PON1: variants seen among roughly 807,000 people sequenced by gnomAD.
PON1 encodes serum paraoxonase/arylesterase 1.
Under a neutral mutation model 39.2 loss-of-function variants are expected in PON1, and 37 were observed. That is an observed-to-expected ratio of 0.94 (90% confidence interval 0.73 to 1.24). The LOEUF is 1.24. PON1 is among the 50% of genes most tolerant of loss of function. PON1 has a pLI of 0.00. For missense variants in PON1, 397 were observed against 413.5 expected (o/e 0.96, Z 0.35); for synonymous variants, 148 against 152.2 (o/e 0.97, Z 0.21).
intron 7 of PON1, among the ~76,000 whole-genome samples, chr7:95,306,001 G>A (rs980525264): frequency 6.6e-6 from 1 of 152,104 alleles, no homozygotes; most frequent in Admixed American, 6.5e-5. Flanking sequence ...CAGGAAGGGA[G>A]GGATGGAAGG....
chr7:95,312,103 G>A (rs3917521), intron 4 of PON1, among the ~76,000 whole-genome samples: 42,216 of 152,154 alleles, frequency 0.28, 6,185 homozygotes, highest in East Asian at 0.51. Context: ...TGTGATCAGA[G>A]CTGGCAAGTA....
chr7:95,311,480 T>C lies in PON1; in HGVS notation c.468A>G (p.Leu156=), dbSNP rs150072923. The change falls in exon 5 of 9, where the codon CTA becomes CTG. Residue 156 remains leucine (L), a synonymous_variant. Transcript: ENST00000222381. ...GCAGAAGTTTATGTCTGATGGTTTT[T>C]AGATGCAAAAGCGATTTTTCTTCTT... ...FQEEEKSLLH[L]KTIRHKLLPN... 1.3e-5 allele frequency: 21 copies of C among 1,614,070 alleles called. No individual in the cohort carries two copies. The highest frequency in any genetic ancestry group is 1.7e-5 in the Non-Finnish European group (20 of 1,180,008).
intron 4 of PON1, among the ~76,000 whole-genome samples, chr7:95,312,911 G>A (rs1229858472): frequency 6.6e-6 from 1 of 152,238 alleles, no homozygotes; most frequent in Admixed American, 6.5e-5. Context: ...GAGAGAGTGG[G>A]AGAGTGAGAG....
In PON1 at chr7:95,322,360, A is replaced by G. The variant is rs1291855528; in HGVS notation, c.74+2042T>C. Among the ~76,000 whole-genome samples, 1,406 of 150,440 alleles carry G rather than the reference A, an allele frequency of 9.3e-3. 24 individuals carry two copies. Among genetic ancestry groups the G allele is most frequent in the African/African-American group, 0.032 (1,322 of 40,996 alleles). Reference sequence around the variant, plus strand: ...TGTGTGTGTGTGTGTGTATATATATATATATATGCTGTAATATGTATTATT... The same window carrying G: ...TGTGTGTGTGTGTGTGTATATATATGTATATATGCTGTAATATGTATTATT... On this transcript the variant is annotated intron_variant, in intron 1 of 8. Transcript: ENST00000222381.
chr7:95,315,637 C>T, intron 3 of PON1, 147 bp from the exon 4 acceptor site: 1 of 821,508 alleles, frequency 1.2e-6, no homozygotes, highest in Non-Finnish European at 2.0e-6. Context: ...TAGTTAGCTT[C>T]TGTAATGGGT....
chr7:95,322,346 G>GTATATATA (rs753285630), intron 1 of PON1, among the ~76,000 whole-genome samples: 1 of 136,176 alleles, frequency 7.3e-6, no homozygotes. Context: ...GTGTGTGTGT[G>GTATATATA]TGTGTATATA....
chr7:95,313,430 T>C lies in PON1; in HGVS notation c.371-1853A>G, dbSNP rs3917511. Among the ~76,000 whole-genome samples, 668 of 152,300 alleles carry C rather than the reference T, an allele frequency of 4.4e-3. 7 individuals carry two copies. The highest frequency in any genetic ancestry group is 0.015 in the African/African-American group (634 of 41,572). On this transcript the variant is annotated intron_variant, in intron 4 of 8. Transcript: ENST00000222381. ...AATGTGCTATATATAAAGGAGTCCA[T>C]GATGTAGTGTTTAATGCAGAAGAAA...
At chr7:95,308,852 TAG>T (rs941564259) in intron 5 of PON1, among the ~76,000 whole-genome samples, 3 of 152,020 alleles carry the variant, frequency 2.0e-5, no homozygotes, top group Non-Finnish European at 4.4e-5. Context: ...TGCTCAGAAA[TAG>T]AATGCTATGG....
At chr7:95,318,708 C>T (rs978901123) in intron 1 of PON1, 5 of 281,746 alleles carry the variant, frequency 1.8e-5, no homozygotes, top group South Asian at 4.7e-5. Context: ...GTGGAAAGTC[C>T]GGGTAAATGG....
intron 5 of PON1, among the ~76,000 whole-genome samples, chr7:95,310,252 C>G (rs1406469419): frequency 6.6e-6 from 1 of 152,194 alleles, no homozygotes; most frequent in African/African-American, 2.4e-5. Context: ...ATTTGTAAAA[C>G]ATCAATAAAA....
rs752529412 is a variant in PON1, at chr7:95,298,920, A to G, written c.*24T>C. ...GGTTGAAATAATGGCCTCAGTTTCT[A>G]TGGCATGGGTGCAAATCGGTCTGTT... On this transcript the variant is annotated 3_prime_UTR_variant, in exon 9 of 9. Coordinates refer to ENST00000222381, the MANE Select transcript of PON1 (RefSeq NM_000446.7). The G allele has an allele frequency of 7.4e-6, 12 of 1,613,872 alleles. No homozygotes were observed. In the South Asian group the frequency reaches 9.9e-5, roughly 13 times the overall value.
intron 5 of PON1, among the ~76,000 whole-genome samples, chr7:95,310,824 A>G (rs1440573137): frequency 6.6e-6 from 1 of 152,228 alleles, no homozygotes; most frequent in Non-Finnish European, 1.5e-5. Flanking sequence ...TTGTTCTCCT[A>G]AATCCATCAC....
intron 7 of PON1, among the ~76,000 whole-genome samples, chr7:95,305,187 G>A (rs1807513753): frequency 6.6e-6 from 1 of 152,192 alleles, no homozygotes. Flanking sequence ...GACAGGAACA[G>A]TCATACAATT....
At chr7:95,314,225 C>T (rs999916643) in intron 4 of PON1, among the ~76,000 whole-genome samples, 6 of 151,970 alleles carry the variant, frequency 3.9e-5, no homozygotes, top group East Asian at 1.9e-4. Context: ...CCAGGCATGG[C>T]GGCATGCACC....
In PON1 at chr7:95,298,261, C is replaced by T. The variant is rs2116290199; in HGVS notation, c.*683G>A. 1 of 154,220 alleles carries T rather than the reference C, an allele frequency of 6.5e-6. No individual in the cohort carries two copies. The highest frequency in any genetic ancestry group is 2.0e-4 in the South Asian group (1 of 4,938). 9.6% of individuals were successfully genotyped at this position (154,220 alleles called of 1,614,324 possible). On this transcript the variant is annotated 3_prime_UTR_variant, in exon 9 of 9. Transcript: ENST00000222381. The stretch of plus-strand genomic sequence containing the variant: ...AATTTGTGCCAAGATCATAGAGACT[C>T]ATAATTTTCAGGTGTGACAACACTC...
intron 3 of PON1, among the ~76,000 whole-genome samples, chr7:95,316,357 G>C (rs1015572928): frequency 2.6e-5 from 4 of 152,258 alleles, no homozygotes; most frequent in East Asian, 3.9e-4. Flanking sequence ...TGTGAAAGTT[G>C]AAATGACCTG....
chr7:95,315,903 T>A (rs854557), intron 3 of PON1, among the ~76,000 whole-genome samples: 1 of 151,870 alleles, frequency 6.6e-6, no homozygotes, highest in Non-Finnish European at 1.5e-5. Flanking sequence ...AAAGACAGAG[T>A]TTTGGTGGGC....
chr7:95,305,966 G>A (rs1807532856), intron 7 of PON1, among the ~76,000 whole-genome samples: 1 of 152,094 alleles, frequency 6.6e-6, no homozygotes, highest in African/African-American at 2.4e-5. Context: ...AAGGAAGGTG[G>A]AGGAGAGGGA....
intron 7 of PON1, among the ~76,000 whole-genome samples, chr7:95,305,431 T>G (rs1409550804): frequency 6.6e-6 from 1 of 152,174 alleles, no homozygotes; most frequent in Non-Finnish European, 1.5e-5. Context: ...AACAAGTATT[T>G]GTTAAGTGCC....
Sources: gnomAD v4.1 joint callset for allele counts (sites outside exome capture counted in the v4.1 genomes callset) on GRCh38, gnomAD v4.1.1 for gene constraint, MANE v1.5 for transcripts, NCBI Gene and HGNC (gene_info 2026-07-23, HGNC 2026-07-21) for gene names.